The following SPHKAP variants were observed in gnomAD, a reference collection of about 807,000 sequenced individuals.
The protein encoded by SPHKAP is SPHK1 interactor, AKAP domain containing, also known as A-kinase anchor protein SPHKAP.
In SPHKAP, 67 loss-of-function variants were observed where a neutral mutation model predicts 137.5. The ratio of observed to expected loss-of-function variants is 0.49; its 90% CI spans 0.40 to 0.60. SPHKAP has a LOEUF of 0.60. Among genes scored for constraint, SPHKAP ranks in the 20% least tolerant of loss-of-function variants. The pLI is 0.00. For missense variants in SPHKAP, 2,097 were observed against 2,069.3 expected (o/e 1.01, Z -0.26); for synonymous variants, 813 against 785.3 (o/e 1.04, Z -0.59).
At chr2:228,020,192 T>A in intron 6 of SPHKAP, 36 bp from the exon 7 acceptor site, 1 of 1,539,726 alleles carries the variant, frequency 6.5e-7, no homozygotes, top group Non-Finnish European at 8.7e-7. Context: ...TATTACTTTT[T>A]GGATAGCAGG....
At chr2:228,156,700 C>T (rs1447758138) in intron 1 of SPHKAP, among the ~76,000 whole-genome samples, 1 of 152,052 alleles carries the variant, frequency 6.6e-6, no homozygotes, top group Non-Finnish European at 1.5e-5. Flanking sequence ...TGGGAGGGAC[C>T]CTGTGAGAGG....
At chr2:228,039,021 A>G (rs1465074837) in intron 3 of SPHKAP, among the ~76,000 whole-genome samples, 1 of 152,250 alleles carries the variant, frequency 6.6e-6, no homozygotes, top group Non-Finnish European at 1.5e-5. Flanking sequence ...AAAACAGACA[A>G]AGACAAAATG....
chr2:227,991,584 G>T, intron 9 of SPHKAP: 2 of 985,352 alleles, frequency 2.0e-6, no homozygotes, highest in Non-Finnish European at 2.4e-6. Flanking sequence ...TAGCTGGTGT[G>T]GGAGACTGAG....
intron 3 of SPHKAP, among the ~76,000 whole-genome samples, chr2:228,095,284 C>T (rs1459356204): frequency 2.6e-5 from 4 of 152,072 alleles, no homozygotes; most frequent in Non-Finnish European, 5.9e-5. Context: ...AAAAGATAGC[C>T]GTGGCTGAAA....
chr2:227,997,758 T>G (rs1027037452), intron 7 of SPHKAP, among the ~76,000 whole-genome samples: 60 of 152,222 alleles, frequency 3.9e-4, no homozygotes, highest in Admixed American at 2.6e-3. Context: ...GAAGGCTTCC[T>G]GAGTCACATT....
At chr2:228,051,557 C>G (rs912277883) in intron 3 of SPHKAP, among the ~76,000 whole-genome samples, 3 of 152,138 alleles carry the variant, frequency 2.0e-5, no homozygotes, top group Non-Finnish European at 2.9e-5. Context: ...CACCCAGATC[C>G]AGAAACGCCT....
chr2:228,017,633 C>A lies in SPHKAP; in HGVS notation c.3221G>T (p.Arg1074Met). ...GCTGGAGGCCTTCAGCCGGCTCCACCTGTCGCCACTCAGTAACCGATTCCG... is the reference window on the plus strand; with the variant it reads ...GCTGGAGGCCTTCAGCCGGCTCCACATGTCGCCACTCAGTAACCGATTCCG... ...YPRNRLLSGD[R>M]WSRLKASSCE... The change falls in exon 7 of 12, where the codon AGG becomes ATG. Residue 1074 changes from arginine (R) to methionine (M), a missense_variant. Coordinates refer to ENST00000392056, the MANE Select transcript of SPHKAP (RefSeq NM_001142644.2). 1 of 1,613,994 alleles carries A rather than the reference C, an allele frequency of 6.2e-7. No homozygotes were observed. The highest frequency in any genetic ancestry group is 1.3e-5 in the African/African-American group (1 of 75,056).
chr2:228,008,666 G>A (rs1248556438), intron 7 of SPHKAP, among the ~76,000 whole-genome samples: 1 of 137,162 alleles, frequency 7.3e-6, no homozygotes, highest in African/African-American at 2.9e-5. Context: ...TTCAAATGGT[G>A]TAATGTGTCT....
intron 3 of SPHKAP, among the ~76,000 whole-genome samples, chr2:228,030,254 G>A (rs1028685161): frequency 1.3e-5 from 2 of 149,722 alleles, no homozygotes; most frequent in African/African-American, 2.5e-5. Context: ...GGTGGCTCAC[G>A]CCTGTAATCC....
intron 11 of SPHKAP, among the ~76,000 whole-genome samples, chr2:227,984,279 GAC>G (rs1253491286): frequency 7.3e-6 from 1 of 137,490 alleles, no homozygotes; most frequent in Non-Finnish European, 1.5e-5. Flanking sequence ...CAGCCTGGGT[GAC>G]AGAGTGAGAC....
chr2:228,056,124 T>C (rs140050750), intron 3 of SPHKAP, among the ~76,000 whole-genome samples: 1 of 152,376 alleles, frequency 6.6e-6, no homozygotes, highest in African/African-American at 2.4e-5. Flanking sequence ...TCTCCTACTA[T>C]TGTCTCTCAC....
intron 3 of SPHKAP, among the ~76,000 whole-genome samples, chr2:228,049,551 C>CTGGGCTTGTTACA (rs11274740): frequency 0.38 from 58,116 of 151,882 alleles, 11,559 homozygotes; most frequent in South Asian, 0.51. Context: ...GCATGTGCAC[C>CTGGGCTTGTTACA]TGGGCTTACT....
At chr2:228,057,991 A>G (rs1696504543) in intron 3 of SPHKAP, among the ~76,000 whole-genome samples, 1 of 151,890 alleles carries the variant, frequency 6.6e-6, no homozygotes, top group Non-Finnish European at 1.5e-5. Context: ...TTTTCTCTCC[A>G]CTCTACTCCT....
chr2:228,168,316 A>G (rs1353188176), intron 1 of SPHKAP, among the ~76,000 whole-genome samples: 1 of 152,144 alleles, frequency 6.6e-6, no homozygotes, highest in Admixed American at 6.6e-5. Context: ...GCACTTTACT[A>G]TGCTCTGCAG....
At chr2:227,990,862 T>G in intron 11 of SPHKAP, 138 bp downstream of exon 11, 2 of 851,746 alleles carry the variant, frequency 2.3e-6, no homozygotes, top group East Asian at 5.3e-5. Context: ...GATTTCAATG[T>G]TCTAGCCGCA....
At chr2:228,059,675 C>A (rs1696570586) in intron 3 of SPHKAP, among the ~76,000 whole-genome samples, 1 of 152,174 alleles carries the variant, frequency 6.6e-6, no homozygotes, top group African/African-American at 2.4e-5. Context: ...AAAAAGCATT[C>A]ATTCAGATGC....
chr2:228,144,543 C>A (rs1403582100), intron 1 of SPHKAP, among the ~76,000 whole-genome samples: 1 of 151,642 alleles, frequency 6.6e-6, no homozygotes, highest in African/African-American at 2.4e-5. Context: ...TTTTCTTGCC[C>A]CTTTCTATAT....
chr2:228,017,172 GAGA>G lies in SPHKAP; in HGVS notation c.3679_3681del (p.Ser1227del), dbSNP rs763612844. ...TGTCTGTGGCACACTGGGGATCGCAGAGAAGGAGACAGCAGGCCGGCTGTCCAA... is the reference window on the plus strand; with the variant it reads ...TGTCTGTGGCACACTGGGGATCGCAGAGGAGACAGCAGGCCGGCTGTCCAA... On this transcript the variant is annotated inframe_deletion, in exon 7 of 12. Coordinates refer to ENST00000392056, the MANE Select transcript of SPHKAP (RefSeq NM_001142644.2). 100 of 1,613,870 alleles carry G rather than the reference GAGA, an allele frequency of 6.2e-5. No individual in the cohort carries two copies. Among genetic ancestry groups the G allele is most frequent in the Non-Finnish European group, 7.9e-5 (93 of 1,180,010 alleles).
At chr2:228,028,156 A>G (rs1695132131) in intron 3 of SPHKAP, 1 of 671,260 alleles carries the variant, frequency 1.5e-6, no homozygotes, top group South Asian at 6.7e-5. Context: ...TCAAGTTTAT[A>G]AGGTGTTATC....
Sources: allele counts gnomAD v4.1 joint callset (sites outside exome capture counted in the v4.1 genomes callset), GRCh38; gene constraint gnomAD v4.1.1; transcripts MANE v1.5; gene names NCBI Gene and HGNC (gene_info 2026-07-23, HGNC 2026-07-21).